The following CYFIP1 variants were observed in gnomAD, a reference collection of about 807,000 sequenced individuals.
CYFIP1 encodes cytoplasmic FMR1 interacting protein 1, also known as cytoplasmic FMR1-interacting protein 1.
A neutral mutation model predicts 163.5 loss-of-function variants in CYFIP1; 58 were observed. That is an observed-to-expected ratio of 0.35 (90% CI 0.29 to 0.44). CYFIP1 has a LOEUF of 0.44. Among genes scored for constraint, CYFIP1 ranks in the 20% least tolerant of loss-of-function variants. The pLI, the probability that CYFIP1 is intolerant of heterozygous loss-of-function variation, is 1.00. For missense variants in CYFIP1, 1,338 were observed against 1,653.8 expected (o/e 0.81, Z 3.31); for synonymous variants, 663 against 660.7 (o/e 1.00, Z -0.05).
At chr15:22,973,262 C>G (rs1266317671) in intron 1 of CYFIP1, among the ~76,000 whole-genome samples, 4 of 134,732 alleles carry the variant, frequency 3.0e-5, no homozygotes, top group Non-Finnish European at 6.1e-5. Context: ...TGCAGTAAGC[C>G]ATGATTGCCC....
chr15:22,980,234 AC>A (rs1040240479), intron 1 of CYFIP1, 52 bp downstream of exon 1: 1 of 149,300 alleles, frequency 6.7e-6, no homozygotes, highest in African/African-American at 2.5e-5. Context: ...TCCGAGGGGG[AC>A]CCGGACCCCG....
chr15:22,944,382 G>A (rs185152208), intron 5 of CYFIP1, among the ~76,000 whole-genome samples, 176 bp downstream of exon 5: 4 of 152,174 alleles, frequency 2.6e-5, no homozygotes, highest in East Asian at 1.9e-4. Flanking sequence ...CGTTGATTCC[G>A]AAAGGGCATG....
intron 17 of CYFIP1, chr15:22,912,496 G>A (rs950281921): frequency 3.3e-5 from 15 of 456,048 alleles, no homozygotes; most frequent in South Asian, 4.7e-5. Flanking sequence ...GACAGCAGAC[G>A]CTCACTGAAG....
At chr15:22,910,860 G>C in intron 18 of CYFIP1, 47 bp from the exon 19 acceptor site, 1 of 1,497,206 alleles carries the variant, frequency 6.7e-7, no homozygotes, top group Non-Finnish European at 9.2e-7. Context: ...CCTAAAGCAA[G>C]ATCAAATAAC....
chr15:22,946,484 T>C (rs1465801585), intron 3 of CYFIP1, among the ~76,000 whole-genome samples: 1 of 150,980 alleles, frequency 6.6e-6, no homozygotes, highest in Non-Finnish European at 1.5e-5. Context: ...CTACTAAAAA[T>C]GCACAAATTA....
intron 30 of CYFIP1, among the ~76,000 whole-genome samples, chr15:22,872,099 G>C (rs960646529): frequency 6.6e-6 from 1 of 152,036 alleles, no homozygotes; most frequent in South Asian, 2.1e-4. Context: ...GGCCAACATG[G>C]TGAAACCTAG....
At position 22,869,801 on chromosome 15, in the gene CYFIP1, G is replaced by C. The variant is rs912214491; in HGVS notation, c.*227C>G. The stretch of plus-strand genomic sequence containing the variant: ...TAGAAAAACAATTTTGTAGGAACGT[G>C]ATGGCAACAATCAGCAGCCAATATT... On this transcript the variant is annotated 3_prime_UTR_variant, in exon 31 of 31. Transcript: ENST00000617928. 2.6e-6 allele frequency: 1 copy of C among 388,860 alleles called. No homozygotes were observed. The highest frequency in any genetic ancestry group is 4.3e-5 in the East Asian group (1 of 23,486). The allele number at this position is 388,860 out of a possible 1,614,324, so 24.1% of individuals were successfully genotyped here.
At chr15:22,947,315 T>G in intron 1 of CYFIP1, 24 bp from the exon 2 acceptor site, 1 of 1,605,758 alleles carries the variant, frequency 6.2e-7, no homozygotes, top group Middle Eastern at 1.8e-4. Context: ...TAAGGACCCC[T>G]GTTCTGTGAG....
At chr15:22,967,965 G>GT (rs1194709118) in intron 1 of CYFIP1, among the ~76,000 whole-genome samples, 1 of 151,888 alleles carries the variant, frequency 6.6e-6, no homozygotes, top group Non-Finnish European at 1.5e-5. Context: ...GTGAAACCCC[G>GT]TCTCTACTAA....
intron 11 of CYFIP1, among the ~76,000 whole-genome samples, chr15:22,931,812 A>G (rs1443828585): frequency 6.6e-6 from 1 of 151,692 alleles, no homozygotes; most frequent in Non-Finnish European, 1.5e-5. Flanking sequence ...GGTCAATGAC[A>G]GCATATACAA....
chr15:22,918,576 G>T, intron 14 of CYFIP1, 116 bp downstream of exon 14: 1 of 955,566 alleles, frequency 1.0e-6, no homozygotes. Flanking sequence ...GGCATCTGAA[G>T]GTTGAAGATA....
chr15:22,884,417 G>C (rs990221065), intron 23 of CYFIP1, among the ~76,000 whole-genome samples: 6 of 152,204 alleles, frequency 3.9e-5, no homozygotes, highest in Non-Finnish European at 8.8e-5. Context: ...GAAGCCCAAA[G>C]TCCAGTGGGG....
chr15:22,936,965 G>A (rs1006778464), intron 9 of CYFIP1, 139 bp downstream of exon 9: 11 of 645,342 alleles, frequency 1.7e-5, no homozygotes, highest in Non-Finnish European at 2.5e-5. Flanking sequence ...CTCTGCAGAC[G>A]GGAGAACGTG....
At chr15:22,879,145 A>AAAAAG (rs374906649) in intron 26 of CYFIP1, among the ~76,000 whole-genome samples, 4 of 151,684 alleles carry the variant, frequency 2.6e-5, no homozygotes, top group East Asian at 3.9e-4. Flanking sequence ...CAAAAAAAAA[A>AAAAAG]AAAAAGAAAA....
chr15:22,915,008 G>T, intron 16 of CYFIP1, 126 bp from the exon 17 acceptor site: 2 of 1,001,438 alleles, frequency 2.0e-6, no homozygotes, highest in Non-Finnish European at 2.8e-6. Context: ...ATGCAGCATG[G>T]ACATGAGTGG....
At chr15:22,965,507 T>G (rs8032564) in intron 1 of CYFIP1, among the ~76,000 whole-genome samples, 1 of 152,024 alleles carries the variant, frequency 6.6e-6, no homozygotes, top group African/African-American at 2.4e-5. Context: ...CACAGGCGTG[T>G]GGCCTGGGAG....
In CYFIP1 at chr15:22,868,586, T is replaced by C. The variant is rs2059314220; in HGVS notation, c.*1442A>G. The C allele has an allele frequency of 6.6e-6, 1 of 151,654 alleles. No homozygotes were observed. The highest frequency in any genetic ancestry group is 1.5e-5 in the Non-Finnish European group (1 of 67,952). 9.4% of individuals were successfully genotyped at this position (151,654 alleles called of 1,614,324 possible). ...TTATTAATTCACATTACCAAAAGCA[T>C]TTTTAGGGAACTTTTTATAAAGAAA... On this transcript the variant is annotated 3_prime_UTR_variant, in exon 31 of 31. Transcript: ENST00000617928.
chr15:22,954,692 C>A (rs944918972), intron 1 of CYFIP1, among the ~76,000 whole-genome samples: 1 of 152,184 alleles, frequency 6.6e-6, no homozygotes, highest in African/African-American at 2.4e-5. Context: ...CAGTTCTCAA[C>A]CCTCATGTTT....
chr15:22,928,079 C>A, intron 11 of CYFIP1, 51 bp from the exon 12 acceptor site: 1 of 1,438,934 alleles, frequency 6.9e-7, no homozygotes. Context: ...CCACCCAGCT[C>A]CCCCCATCCC....
Sources: allele counts gnomAD v4.1 joint callset (sites outside exome capture counted in the v4.1 genomes callset), GRCh38; gene constraint gnomAD v4.1.1; transcripts MANE v1.5; gene names NCBI Gene and HGNC (gene_info 2026-07-23, HGNC 2026-07-21).